GPC6: variants seen among roughly 807,000 people sequenced by gnomAD.
GPC6 encodes the protein glypican 6, also known as glypican-6.
In GPC6, 14 loss-of-function variants were observed where a neutral mutation model predicts 55.2. The ratio of observed to expected loss-of-function variants is 0.25; its 90% CI spans 0.17 to 0.40. The LOEUF is 0.40. GPC6 is among the 10% of genes least tolerant of loss of function. The pLI is 1.00. For missense variants in GPC6, 641 were observed against 708.5 expected (o/e 0.90, Z 1.08); for synonymous variants, 278 against 259.6 (o/e 1.07, Z -0.68).
At position 93,785,678 on chromosome 13, in the gene GPC6, A is replaced by G. The variant is rs1365164854; in HGVS notation, c.320-44476A>G. 2.0e-5 allele frequency among the ~76,000 whole-genome samples: 3 copies of G among 152,308 alleles called. No individual in the cohort carries two copies. The East Asian group carries it at 5.8e-4, about 29-fold the overall frequency. On this transcript the variant is annotated intron_variant, in intron 2 of 8. Coordinates refer to ENST00000377047, the MANE Select transcript of GPC6 (RefSeq NM_005708.5). Reference sequence around the variant, plus strand: ...GTTAATTTAATATTTTAGAAAACATAAGTCAGGCACCATGATTCATGCTTG... The same window carrying G: ...GTTAATTTAATATTTTAGAAAACATGAGTCAGGCACCATGATTCATGCTTG...
chr13:93,632,615 A>ATATGTATATATATATGTATATGTG (rs1555318422), intron 2 of GPC6, among the ~76,000 whole-genome samples: 2 of 109,706 alleles, frequency 1.8e-5, no homozygotes, highest in Non-Finnish European at 4.3e-5. Context: ...GTGTATATAT[A>ATATGTATATATATATGTATATGTG]TGTATATATA....
chr13:94,053,913 T>A (rs1208373704), intron 4 of GPC6, among the ~76,000 whole-genome samples: 1 of 152,042 alleles, frequency 6.6e-6, no homozygotes, highest in Non-Finnish European at 1.5e-5. Flanking sequence ...TTTTAAAAGA[T>A]ATTAGCTGAA....
chr13:94,190,473 A>G (rs1265925415), intron 4 of GPC6, among the ~76,000 whole-genome samples: 2 of 152,170 alleles, frequency 1.3e-5, no homozygotes, highest in East Asian at 3.9e-4. Context: ...CCATCACTTT[A>G]GTTGATGACA....
At chr13:93,637,657 G>A (rs923496418) in intron 2 of GPC6, among the ~76,000 whole-genome samples, 4 of 151,986 alleles carry the variant, frequency 2.6e-5, no homozygotes, top group Non-Finnish European at 5.9e-5. Context: ...ATTAACCATG[G>A]GAATCTTATG....
intron 2 of GPC6, among the ~76,000 whole-genome samples, chr13:93,734,977 A>T (rs1883946553): frequency 6.6e-6 from 1 of 152,158 alleles, no homozygotes; most frequent in South Asian, 2.1e-4. Context: ...TAATGAGTAG[A>T]CCTTAAATCT....
chr13:93,861,931 G>T (rs1173322794), intron 3 of GPC6, among the ~76,000 whole-genome samples: 1 of 151,646 alleles, frequency 6.6e-6, no homozygotes, highest in Non-Finnish European at 1.5e-5. Flanking sequence ...TGCCCCTTCA[G>T]TAAGATAAGG....
chr13:93,480,791 T>A (rs780670244), intron 1 of GPC6, among the ~76,000 whole-genome samples: 23 of 152,232 alleles, frequency 1.5e-4, no homozygotes, highest in Non-Finnish European at 3.1e-4. Context: ...TCCTTTTTAT[T>A]GCCTAATAAT....
At chr13:93,922,355 G>C (rs1485584133) in intron 3 of GPC6, among the ~76,000 whole-genome samples, 9 of 152,174 alleles carry the variant, frequency 5.9e-5, no homozygotes. Context: ...TAAGCATATG[G>C]AGTGAGCTAT....
intron 4 of GPC6, among the ~76,000 whole-genome samples, chr13:94,270,406 G>C (rs1361737502): frequency 2.0e-5 from 3 of 152,156 alleles, no homozygotes; most frequent in Non-Finnish European, 4.4e-5. Flanking sequence ...CCAGTAAAAA[G>C]GATGCTTTCA....
At position 93,783,637 on chromosome 13, in the gene GPC6, A is replaced by G. The variant is rs1480229099; in HGVS notation, c.320-46517A>G. 3.3e-5 allele frequency among the ~76,000 whole-genome samples: 5 copies of G among 152,240 alleles called. No homozygotes were observed. The East Asian group carries it at 9.7e-4, about 29-fold the overall frequency. On this transcript the variant is annotated intron_variant, in intron 2 of 8. Coordinates refer to ENST00000377047, the MANE Select transcript of GPC6 (RefSeq NM_005708.5). The stretch of plus-strand genomic sequence containing the variant: ...GAGAAAGTATACAGAGTAATATAAT[A>G]AATTTCCATGGAGCCACCACCCATC...
At chr13:93,970,763 A>G (rs1353078088) in intron 3 of GPC6, among the ~76,000 whole-genome samples, 6 of 152,194 alleles carry the variant, frequency 3.9e-5, no homozygotes, top group African/African-American at 7.2e-5. Context: ...ATCAACACCA[A>G]TGCCTCAGAG....
chr13:93,519,986 C>T (rs1316640230), intron 1 of GPC6, among the ~76,000 whole-genome samples: 1 of 151,948 alleles, frequency 6.6e-6, no homozygotes, highest in Non-Finnish European at 1.5e-5. Context: ...ACTTATTTGA[C>T]ATCTTAATTT....
chr13:93,895,234 G>GTGTGTGTGTGTATA (rs1196315147), intron 3 of GPC6, among the ~76,000 whole-genome samples: 1 of 108,208 alleles, frequency 9.2e-6, no homozygotes, highest in African/African-American at 3.7e-5. Flanking sequence ...GTGTGTGTGT[G>GTGTGTGTGTGTATA]TATATATATA....
intron 7 of GPC6, among the ~76,000 whole-genome samples, chr13:94,383,797 C>A (rs1056934237): frequency 2.6e-5 from 4 of 152,006 alleles, no homozygotes; most frequent in African/African-American, 9.7e-5. Flanking sequence ...CTTGATTGAC[C>A]CACAGTTCCC....
intron 4 of GPC6, among the ~76,000 whole-genome samples, chr13:94,125,965 A>C (rs1886793190): frequency 6.6e-6 from 1 of 152,208 alleles, no homozygotes; most frequent in African/African-American, 2.4e-5. Flanking sequence ...ATGTAAATAT[A>C]TCTCCATGTA....
At chr13:94,350,132 A>G (rs1371399810) in intron 6 of GPC6, among the ~76,000 whole-genome samples, 5 of 150,908 alleles carry the variant, frequency 3.3e-5, no homozygotes, top group Admixed American at 2.0e-4. Context: ...CATCTTTGGT[A>G]TCTTTGAAAT....
At chr13:94,148,330 C>T (rs1475682910) in intron 4 of GPC6, among the ~76,000 whole-genome samples, 1 of 152,124 alleles carries the variant, frequency 6.6e-6, no homozygotes, top group Non-Finnish European at 1.5e-5. Context: ...AGGCTGTCAG[C>T]ACATATTACC....
At chr13:94,033,967 T>G (rs1883232673) in intron 4 of GPC6, among the ~76,000 whole-genome samples, 1 of 152,180 alleles carries the variant, frequency 6.6e-6, no homozygotes, top group Non-Finnish European at 1.5e-5. Context: ...GCTAGAGGAC[T>G]CGCATTTGCC....
rs1246786348 is a variant in GPC6, at chr13:94,152,219, C to T, written c.877+124325C>T. On this transcript the variant is annotated intron_variant, in intron 4 of 8. Transcript: ENST00000377047. ...TCAATCAAGTTTATTTCCTTCCAAA[C>T]CTCCTTTTCTTTACCCAGGGATGGA... 3.9e-5 allele frequency among the ~76,000 whole-genome samples: 6 copies of T among 152,254 alleles called. No homozygotes were observed. The East Asian group carries it at 1.2e-3, about 29-fold the overall frequency.
Sources: gnomAD v4.1 joint callset for allele counts (sites outside exome capture counted in the v4.1 genomes callset) on GRCh38, gnomAD v4.1.1 for gene constraint, MANE v1.5 for transcripts, NCBI Gene and HGNC (gene_info 2026-07-23, HGNC 2026-07-21) for gene names.